ABLIM1: variants seen among roughly 807,000 people sequenced by gnomAD.
ABLIM1 encodes actin-binding LIM protein 1.
In ABLIM1, 40 loss-of-function variants were observed where a neutral mutation model predicts 107.0. The ratio of observed to expected loss-of-function variants is 0.37; its 90% confidence interval spans 0.29 to 0.49. ABLIM1 has a LOEUF of 0.49. Among genes scored for constraint, ABLIM1 ranks in the 20% least tolerant of loss-of-function variants. The pLI is 0.97. For synonymous variants in ABLIM1, 357 were observed against 357.3 expected (o/e 1.00, Z 0.01); for missense variants, 857 against 1,008.5 (o/e 0.85, Z 2.04).
chr10:114,718,615 G>A lies in ABLIM1; in HGVS notation c.-213+49446C>T, dbSNP rs548756627. Among the ~76,000 whole-genome samples, 6 of 152,254 alleles carry A rather than the reference G, an allele frequency of 3.9e-5. No homozygotes were observed. The South Asian group carries it at 6.2e-4, about 16-fold the overall frequency. ...CCATAATTAACCCAGAAGGTCTTCC[G>A]GGGGGAATCAGACTAGAAGCCAAAG... On this transcript the variant is annotated intron_variant, in intron 1 of 15. Coordinates refer to the ABLIM1 transcript ENST00000651092.
intron 1 of ABLIM1, among the ~76,000 whole-genome samples, chr10:114,627,579 TGG>T (rs1269508848): frequency 6.6e-6 from 1 of 151,950 alleles, no homozygotes; most frequent in African/African-American, 2.4e-5. Flanking sequence ...CTGACCAAAA[TGG>T]GGCTTACAGA....
intron 7 of ABLIM1, among the ~76,000 whole-genome samples, chr10:114,490,961 G>A (rs968420340): frequency 5.3e-5 from 7 of 133,234 alleles, no homozygotes; most frequent in Non-Finnish European, 9.4e-5. Context: ...GAGCCACCAC[G>A]CCCGGCATAT....
intron 12 of ABLIM1, among the ~76,000 whole-genome samples, chr10:114,453,953 G>A (rs767785784): frequency 2.0e-5 from 3 of 152,214 alleles, no homozygotes; most frequent in African/African-American, 4.8e-5. Context: ...TGAAGGTTAA[G>A]TCTGGGAACC....
chr10:114,688,689 G>A (rs961180117), upstream of ABLIM1, among the ~76,000 whole-genome samples: 1 of 152,152 alleles, frequency 6.6e-6, no homozygotes, highest in Non-Finnish European at 1.5e-5. Flanking sequence ...AAGTCACTCC[G>A]CTAACAAGGA....
intron 5 of ABLIM1, among the ~76,000 whole-genome samples, chr10:114,547,029 T>A (rs1408834096): frequency 6.6e-6 from 1 of 152,068 alleles, no homozygotes; most frequent in Non-Finnish European, 1.5e-5. Context: ...TGAACTCAAG[T>A]GATCCTCCCA....
Position 114,519,592 on chromosome 10 carries a change from G to A in ABLIM1, c.894+25413C>T, listed in dbSNP as rs139642458. The stretch of plus-strand genomic sequence containing the variant: ...AACCACAAGACATATTTATTAATGA[G>A]TACATCCAAGGCCATCAGGCCATTT... On this transcript the variant is annotated intron_variant, in intron 6 of 22. Transcript: ENST00000533213. Among the ~76,000 whole-genome samples the A allele has an allele frequency of 3.8e-3, 580 of 152,296 alleles. 1 individual carries two copies. Among genetic ancestry groups the A allele is most frequent in the African/African-American group, 0.013 (556 of 41,560 alleles).
At chr10:114,611,366 G>A (rs1469684883) in intron 1 of ABLIM1, among the ~76,000 whole-genome samples, 1 of 151,786 alleles carries the variant, frequency 6.6e-6, no homozygotes, top group African/African-American at 2.4e-5. Flanking sequence ...GCAGCTACTC[G>A]AGAGGCTGAG....
At chr10:114,516,813 A>G (rs965797116) in intron 6 of ABLIM1, among the ~76,000 whole-genome samples, 2 of 152,218 alleles carry the variant, frequency 1.3e-5, no homozygotes, top group Non-Finnish European at 1.5e-5. Flanking sequence ...GGGCTTACAA[A>G]AGCACATTTT....
rs182683861 is a variant in ABLIM1, at chr10:114,568,413, A to T, written c.673+2884T>A. Among the ~76,000 whole-genome samples the T allele has an allele frequency of 4.6e-3, 706 of 152,298 alleles. 6 individuals are homozygous for T. Among genetic ancestry groups the T allele is most frequent in the African/African-American group, 0.016 (681 of 41,562 alleles). Reference sequence around the variant, plus strand: ...TTTTAAAAAAACATTAAAAATTTTTAAAAAGTCATAAAAGAGGAACTAAAG... The same window carrying T: ...TTTTAAAAAAACATTAAAAATTTTTTAAAAGTCATAAAAGAGGAACTAAAG... On this transcript the variant is annotated intron_variant, in intron 4 of 22. Coordinates refer to ENST00000533213, the MANE Select transcript of ABLIM1 (RefSeq NM_002313.7).
At chr10:114,626,901 G>C (rs1261176201) in intron 1 of ABLIM1, among the ~76,000 whole-genome samples, 1 of 152,140 alleles carries the variant, frequency 6.6e-6, no homozygotes, top group Admixed American at 6.5e-5. Flanking sequence ...GAAGGCAGTT[G>C]CTTCTATAAG....
intron 1 of ABLIM1, among the ~76,000 whole-genome samples, chr10:114,730,799 C>T (rs2082056794): frequency 2.0e-5 from 3 of 152,084 alleles, no homozygotes; most frequent in African/African-American, 7.3e-5. Flanking sequence ...AACCTTGTGT[C>T]CATTTGCAGT....
chr10:114,447,840 A>G, intron 15 of ABLIM1, 40 bp downstream of exon 15: 4 of 1,611,336 alleles, frequency 2.5e-6, no homozygotes, highest in Non-Finnish European at 3.4e-6. Context: ...GAGCTCTCCT[A>G]GCAGTTTGTC....
At chr10:114,800,638 C>G in the ABLIM1 span, among the ~76,000 whole-genome samples, 29 of 152,134 alleles carry the variant, frequency 1.9e-4, no homozygotes, top group Non-Finnish European at 3.1e-4. Flanking sequence ...TAAGGCTGGG[C>G]ATGGTGGCTA....
At chr10:114,486,850 G>A (rs1414500406) in intron 8 of ABLIM1, among the ~76,000 whole-genome samples, 2 of 152,058 alleles carry the variant, frequency 1.3e-5, no homozygotes, top group South Asian at 2.1e-4. Context: ...TGATGGATGC[G>A]AATTGAGGAG....
chr10:114,581,512 G>A (rs1372442917), intron 2 of ABLIM1, among the ~76,000 whole-genome samples: 1 of 152,196 alleles, frequency 6.6e-6, no homozygotes, highest in East Asian at 1.9e-4. Flanking sequence ...ATCCATATCA[G>A]TAGACTGAAC....
intron 11 of ABLIM1, among the ~76,000 whole-genome samples, chr10:114,466,901 G>A (rs191934063): frequency 7.7e-4 from 117 of 152,316 alleles, no homozygotes; most frequent in African/African-American, 2.6e-3. Context: ...GCTCATGCCT[G>A]TAATTTCAGC....
the ABLIM1 span, among the ~76,000 whole-genome samples, chr10:114,787,607 C>T: frequency 4.8e-5 from 7 of 146,336 alleles, no homozygotes; most frequent in African/African-American, 1.8e-4. Flanking sequence ...CCCGGCCAGC[C>T]GCCCCGTCCG....
At chr10:114,751,170 T>C (rs7895690) in intron 1 of ABLIM1, among the ~76,000 whole-genome samples, 6,812 of 152,174 alleles carry the variant, frequency 0.045, 220 homozygotes, top group African/African-American at 0.081. Flanking sequence ...CAAAAAACAT[T>C]GGGGAGTTGT....
At chr10:114,740,252 T>C (rs1172830446) in intron 1 of ABLIM1, among the ~76,000 whole-genome samples, 1 of 152,182 alleles carries the variant, frequency 6.6e-6, no homozygotes, top group East Asian at 1.9e-4. Flanking sequence ...TTGTTAATTA[T>C]AAGAAGGACT....
Sources: gnomAD v4.1 joint callset for allele counts (sites outside exome capture counted in the v4.1 genomes callset) on GRCh38, gnomAD v4.1.1 for gene constraint, MANE v1.5 for transcripts, NCBI Gene and HGNC (gene_info 2026-07-23, HGNC 2026-07-21) for gene names.